Variants in GPC6 observed in about 807,000 individuals in gnomAD.
The protein encoded by GPC6 is glypican-6.
A neutral mutation model predicts 55.2 loss-of-function variants in GPC6; 14 were observed. The observed-to-expected ratio is 0.25, with a 90% confidence interval of 0.17 to 0.40. The LOEUF is 0.40. Among genes scored for constraint, GPC6 ranks in the 10% least tolerant of loss-of-function variants. The pLI is 1.00. For synonymous variants in GPC6, 278 were observed against 259.6 expected, an observed-to-expected ratio of 1.07 and a Z score of -0.68; for missense variants, 641 against 708.5, an observed-to-expected ratio of 0.90 and a Z score of 1.08.
At chr13:94,184,156 C>T (rs1165069486) in intron 4 of GPC6, among the ~76,000 whole-genome samples, 1 of 152,104 alleles carries the variant, frequency 6.6e-6, no homozygotes, top group Admixed American at 6.5e-5. Flanking sequence ...AAGTGTAAGA[C>T]CTCAAACTCT....
intron 3 of GPC6, among the ~76,000 whole-genome samples, chr13:94,005,089 G>A (rs996954329): frequency 6.6e-6 from 1 of 152,002 alleles, no homozygotes; most frequent in Non-Finnish European, 1.5e-5. Context: ...TATCTGAATG[G>A]ACATCAGGTA....
intron 1 of GPC6, among the ~76,000 whole-genome samples, chr13:93,468,487 T>C (rs1178222636): frequency 2.5e-5 from 3 of 120,598 alleles, no homozygotes; most frequent in Non-Finnish European, 5.9e-5. Context: ...AAATTATAAT[T>C]CGGGGCTGGG....
At chr13:94,372,729 G>A (rs1188564220) in intron 6 of GPC6, among the ~76,000 whole-genome samples, 2 of 152,216 alleles carry the variant, frequency 1.3e-5, no homozygotes. Flanking sequence ...AAGGAGGCCT[G>A]CCTGCCTCTG....
At chr13:93,607,024 T>A (rs1175785886) in intron 2 of GPC6, among the ~76,000 whole-genome samples, 1 of 152,180 alleles carries the variant, frequency 6.6e-6, no homozygotes, top group Non-Finnish European at 1.5e-5. Flanking sequence ...CTTTTTTATT[T>A]CCTAATATTT....
At chr13:94,348,849 T>C (rs1878407208) in intron 6 of GPC6, among the ~76,000 whole-genome samples, 1 of 152,152 alleles carries the variant, frequency 6.6e-6, no homozygotes, top group African/African-American at 2.4e-5. Flanking sequence ...AAATCTCAGA[T>C]TTGCAATTCC....
intron 1 of GPC6, among the ~76,000 whole-genome samples, chr13:93,412,024 TAAAA>T (rs1451546777): frequency 6.6e-6 from 1 of 150,854 alleles, no homozygotes; most frequent in African/African-American, 2.4e-5. Context: ...ATAAATAAAA[TAAAA>T]ATAAATAGCC....
intron 1 of GPC6, among the ~76,000 whole-genome samples, chr13:93,391,999 G>C (rs1875653452): frequency 6.6e-6 from 1 of 152,144 alleles, no homozygotes; most frequent in South Asian, 2.1e-4. Flanking sequence ...AAGGTGTTCT[G>C]TTGCCAGATG....
intron 6 of GPC6, among the ~76,000 whole-genome samples, chr13:94,378,077 G>A (rs1052865457): frequency 2.6e-5 from 4 of 152,096 alleles, no homozygotes; most frequent in Admixed American, 6.5e-5. Flanking sequence ...GGATAGCATT[G>A]GGAGATATAC....
intron 4 of GPC6, among the ~76,000 whole-genome samples, chr13:94,277,717 G>A (rs1250268656): frequency 1.3e-5 from 2 of 152,038 alleles, no homozygotes; most frequent in Admixed American, 6.6e-5. Flanking sequence ...TTTTTGTCAG[G>A]TTTGTCAAAG....
At chr13:93,753,494 G>A (rs1884669698) in intron 2 of GPC6, among the ~76,000 whole-genome samples, 1 of 152,118 alleles carries the variant, frequency 6.6e-6, no homozygotes, top group South Asian at 2.1e-4. Context: ...TGGAGTACAT[G>A]AGATATTTCC....
chr13:93,818,374 A>C (rs1289536942), intron 2 of GPC6: 1 of 152,116 alleles, frequency 6.6e-6, no homozygotes, highest in Non-Finnish European at 1.5e-5. Flanking sequence ...TAATATTTTC[A>C]CAAAATTTTT....
intron 1 of GPC6, among the ~76,000 whole-genome samples, chr13:93,296,791 C>T (rs1878508229): frequency 6.6e-6 from 1 of 152,168 alleles, no homozygotes; most frequent in Admixed American, 6.5e-5. Flanking sequence ...ACATCTCATT[C>T]TGAGAGAACA....
chr13:93,254,855 C>G (rs1312094287), intron 1 of GPC6, among the ~76,000 whole-genome samples: 1 of 152,148 alleles, frequency 6.6e-6, no homozygotes, highest in Non-Finnish European at 1.5e-5. Flanking sequence ...GCAGACCACA[C>G]TAATCTAAGT....
intron 4 of GPC6, among the ~76,000 whole-genome samples, chr13:94,097,713 G>C (rs1885718727): frequency 6.6e-6 from 1 of 152,012 alleles, no homozygotes; most frequent in Admixed American, 6.5e-5. Flanking sequence ...AACACAGTTG[G>C]GGAATAAATT....
At chr13:93,231,820 C>G (rs1876073669) in intron 1 of GPC6, among the ~76,000 whole-genome samples, 1 of 151,940 alleles carries the variant, frequency 6.6e-6, no homozygotes, top group Non-Finnish European at 1.5e-5. Flanking sequence ...GCTCTGTTTT[C>G]AGTATTTATT....
At chr13:93,931,625 G>A (rs762108372) in intron 3 of GPC6, among the ~76,000 whole-genome samples, 4 of 151,848 alleles carry the variant, frequency 2.6e-5, no homozygotes, top group East Asian at 3.9e-4. Context: ...TTAGCTGGAC[G>A]TGGTGGCGGG....
chr13:94,401,440 C>T (rs1186470670), intron 8 of GPC6, among the ~76,000 whole-genome samples: 8 of 152,056 alleles, frequency 5.3e-5, no homozygotes, highest in Non-Finnish European at 1.0e-4. Flanking sequence ...GGAATCAAGC[C>T]TTGAGAAGTG....
intron 4 of GPC6, among the ~76,000 whole-genome samples, chr13:94,191,300 C>T (rs1049829694): frequency 6.6e-6 from 1 of 152,146 alleles, no homozygotes; most frequent in African/African-American, 2.4e-5. Flanking sequence ...TATAAATCTT[C>T]TTGGTATTCC....
intron 4 of GPC6, among the ~76,000 whole-genome samples, chr13:94,101,947 T>C (rs1885878984): frequency 6.6e-6 from 1 of 152,130 alleles, no homozygotes; most frequent in African/African-American, 2.4e-5. Flanking sequence ...AAAACACTGA[T>C]TTAAAAAAAT....
Sources: gnomAD v4.1 joint callset for allele counts (sites outside exome capture counted in the v4.1 genomes callset) on GRCh38, gnomAD v4.1.1 for gene constraint, MANE v1.5 for transcripts, NCBI Gene and HGNC (gene_info 2026-07-23, HGNC 2026-07-21) for gene names.